FAM20A: variants seen among roughly 807,000 people sequenced by gnomAD.
FAM20A encodes the protein pseudokinase FAM20A.
A neutral mutation model predicts 52.0 loss-of-function variants in FAM20A; 42 were observed. The ratio of observed to expected loss-of-function variants is 0.81; its 90% CI spans 0.63 to 1.04. The LOEUF is 1.04. Among genes scored for constraint, FAM20A ranks in the 50% least tolerant of loss-of-function variants. The pLI, the probability that FAM20A is intolerant of heterozygous loss-of-function variation, is 0.00. For missense variants in FAM20A, 742 were observed against 712.7 expected (o/e 1.04, Z -0.47); for synonymous variants, 304 against 298.9 (o/e 1.02, Z -0.18).
At chr17:68,540,728 G>T (rs771665872) in intron 8 of FAM20A, 121 bp downstream of exon 8, 1 of 1,228,126 alleles carries the variant, frequency 8.1e-7, no homozygotes, top group Non-Finnish European at 1.2e-6. Context: ...CTGAGGCTGT[G>T]GGAGGTGCAG....
intron 4 of FAM20A, among the ~76,000 whole-genome samples, chr17:68,546,039 CAT>C (rs1193060935): frequency 6.6e-6 from 1 of 150,736 alleles, no homozygotes; most frequent in East Asian, 1.9e-4. Flanking sequence ...CATGGTGGCG[CAT>C]GCCTGTAGTC....
At chr17:68,539,702 G>T (rs2086205197) in intron 9 of FAM20A, among the ~76,000 whole-genome samples, 183 bp downstream of exon 9, 1 of 152,250 alleles carries the variant, frequency 6.6e-6, no homozygotes, top group Non-Finnish European at 1.5e-5. Flanking sequence ...GCTGGAGGAG[G>T]ATCAAGTGGT....
rs867655694 is a variant in FAM20A at position 68,551,903 on chromosome 17, T to C, written c.689A>G (p.Asp230Gly). Residue 230 changes from aspartate (D) to glycine (G), a missense_variant, in exon 4 of 11, where the codon GAT becomes GGT. Asp to Gly is a moderately conservative substitution (Grantham distance 94). Transcript: ENST00000592554. ...VHLKLVLRFS[D>G]FGKAMFKPMR... ...GGGTTTGAACATGGCCTTCCCGAAA[T>C]CCGAGAACCTCAGCACCAGCTTGAG... The C allele has an allele frequency of 6.3e-7, 1 of 1,589,526 alleles. No homozygotes were observed. Among genetic ancestry groups the C allele is most frequent in the Middle Eastern group, 1.7e-4 (1 of 6,030 alleles).
intron 1 of FAM20A, among the ~76,000 whole-genome samples, chr17:68,592,574 T>C (rs2088343161): frequency 6.6e-6 from 1 of 152,220 alleles, no homozygotes; most frequent in Non-Finnish European, 1.5e-5. Context: ...TGCGCTTCAC[T>C]TGCCAGGGCT....
chr17:68,542,607 G>C (rs1229759992), intron 6 of FAM20A, 87 bp downstream of exon 6: 2 of 980,520 alleles, frequency 2.0e-6, no homozygotes, highest in East Asian at 2.4e-5. Context: ...CTAGCAGCAG[G>C]GTGTCAGGCC....
At position 68,536,804 on chromosome 17, in the gene FAM20A, T is replaced by A; in HGVS notation, c.*673A>T. 4.4e-6 allele frequency: 2 copies of A among 454,134 alleles called. No individual in the cohort carries two copies. Among genetic ancestry groups the A allele is most frequent in the Non-Finnish European group, 8.8e-6 (2 of 226,800 alleles). 28.1% of individuals were successfully genotyped at this position (454,134 alleles called of 1,614,324 possible). A position where few individuals can be genotyped will look rare whatever the true frequency, so the allele number is the denominator to read the frequency against. On this transcript the variant is annotated 3_prime_UTR_variant, in exon 11 of 11. Coordinates refer to ENST00000592554, the MANE Select transcript of FAM20A (RefSeq NM_017565.4). ...TTAGTGTGACATATTTGATGTTATT[T>A]CAATTGTAATACTCTTCAAATTGGA...
At chr17:68,562,334 A>T (rs1325169062) in intron 1 of FAM20A, among the ~76,000 whole-genome samples, 1 of 152,230 alleles carries the variant, frequency 6.6e-6, no homozygotes, top group Non-Finnish European at 1.5e-5. Context: ...ACGTAGAAGG[A>T]TGTCTAATTT....
rs138703454 is a variant in FAM20A at position 68,584,310 on chromosome 17, C to T, written c.404+15953G>A. Among the ~76,000 whole-genome samples, 399 of 147,546 alleles carry T rather than the reference C, an allele frequency of 2.7e-3. 5 individuals are homozygous for T. The highest frequency in any genetic ancestry group is 9.9e-3 in the African/African-American group (385 of 38,906). On this transcript the variant is annotated intron_variant, in intron 1 of 10. Transcript: ENST00000592554. ...CCAGCCTGGGTGGCAGAGTGAGACTCCATCTCAAAAACAAAACAAAACAAA... is the reference window on the plus strand; with the variant it reads ...CCAGCCTGGGTGGCAGAGTGAGACTTCATCTCAAAAACAAAACAAAACAAA...
chr17:68,593,453 A>T (rs2088366532), intron 1 of FAM20A, among the ~76,000 whole-genome samples: 1 of 152,140 alleles, frequency 6.6e-6, no homozygotes, highest in Non-Finnish European at 1.5e-5. Flanking sequence ...TGCTTTCTCA[A>T]CTTTCCTTCA....
In FAM20A at chr17:68,600,604, G is replaced by T. The variant is rs2088595603; in HGVS notation, c.63C>A (p.Ala21=). The T allele has an allele frequency of 6.4e-7, 1 of 1,563,774 alleles. No individual in the cohort carries two copies. The highest frequency in any genetic ancestry group is 1.9e-5 in the Admixed American group (1 of 52,746). The change falls in exon 1 of 11, where the codon GCC becomes GCA. Residue 21 remains alanine, a synonymous_variant. Transcript: ENST00000592554. This position sits in a 1 kb window ranked among gnomAD's most constrained non-coding sequence, Gnocchi z 6.2. ...GGGGCCAGAGGTGGAAGTAGAGGTC[G>T]GCGGAGAGCAGCGCGCCCAGCAGCA... ...TLLLLGALLS[A]DLYFHLWPQV...
At chr17:68,540,556 C>T in intron 8 of FAM20A, 1 of 525,160 alleles carries the variant, frequency 1.9e-6, no homozygotes, top group Non-Finnish European at 3.7e-6. Context: ...CCTGGTTTCC[C>T]CTCACTTGGT....
chr17:68,571,294 C>A (rs2087528545), intron 1 of FAM20A, among the ~76,000 whole-genome samples: 1 of 152,200 alleles, frequency 6.6e-6, no homozygotes, highest in African/African-American at 2.4e-5. Flanking sequence ...TCTTTTGCAT[C>A]CTCCTCAGTA....
At chr17:68,552,452 G>A (rs918375555) in intron 3 of FAM20A, among the ~76,000 whole-genome samples, 4 of 151,938 alleles carry the variant, frequency 2.6e-5, no homozygotes, top group African/African-American at 7.3e-5. Flanking sequence ...TGTACACCTG[G>A]GCTGGGACCA....
Position 68,600,416 on chromosome 17 carries a change from C to T in FAM20A, c.251G>A (p.Ser84Asn). The change falls in exon 1 of 11, where the codon AGC (serine) becomes AAC (asparagine). Residue 84 changes from serine to asparagine, a missense_variant. Physicochemically the swap from Ser to Asn is conservative, Grantham distance 46. Coordinates refer to ENST00000592554, the MANE Select transcript of FAM20A (RefSeq NM_017565.4). This position sits in a 1 kb window ranked among gnomAD's most constrained non-coding sequence, Gnocchi z 6.2. ...CAACTTGGAGCTCGACCCGCTGTGG[C>T]TGCCGCCAGCCGGTTCAGTCCGGGG... ...TEPRTEPAGG[S>N]HSGSSSKLQA... The T allele has an allele frequency of 6.2e-7, 1 of 1,609,518 alleles. No homozygotes were observed. Among genetic ancestry groups the T allele is most frequent in the South Asian group, 1.1e-5 (1 of 90,490 alleles).
At chr17:68,548,320 G>A (rs929981891) in intron 4 of FAM20A, among the ~76,000 whole-genome samples, 6 of 151,386 alleles carry the variant, frequency 4.0e-5, no homozygotes, top group African/African-American at 1.5e-4. Flanking sequence ...ACCTGAGGTC[G>A]AGAGTTCGAG....
At chr17:68,588,992 T>C (rs936734127) in intron 1 of FAM20A, among the ~76,000 whole-genome samples, 2 of 152,242 alleles carry the variant, frequency 1.3e-5, no homozygotes, top group African/African-American at 4.8e-5. Context: ...CTAAGTTGTG[T>C]AGACCACTTT....
At chr17:68,594,337 T>C (rs1264360536) in intron 1 of FAM20A, among the ~76,000 whole-genome samples, 2 of 151,162 alleles carry the variant, frequency 1.3e-5, no homozygotes, top group Non-Finnish European at 2.9e-5. Context: ...AGGCGGAGCT[T>C]GCAGTGAGCC....
rs57442973 is a variant in FAM20A at position 68,571,987 on chromosome 17, C to CAT, written c.405-16246_405-16245dup. Among the ~76,000 whole-genome samples the CAT allele has an allele frequency of 9.2e-3, 403 of 43,588 alleles. 9 individuals carry two copies. The highest frequency in any genetic ancestry group is 0.015 in the Non-Finnish European group (274 of 18,426). 28.6% of individuals were successfully genotyped at this position (43,588 alleles called of 152,430 possible). A position where few individuals can be genotyped will look rare whatever the true frequency, so the allele number is the denominator to read the frequency against. On this transcript the variant is annotated intron_variant, in intron 1 of 10. Coordinates refer to ENST00000592554, the MANE Select transcript of FAM20A (RefSeq NM_017565.4). ...ATATATATGTGTGTGTATATACATA[C>CAT]ATATATATATATATATATATATATA...
At chr17:68,572,617 T>G (rs2087597006) in intron 1 of FAM20A, among the ~76,000 whole-genome samples, 1 of 152,150 alleles carries the variant, frequency 6.6e-6, no homozygotes, top group Admixed American at 6.5e-5. Context: ...ATGATAGAAT[T>G]ATGCAGAACG....
Sources: gnomAD v4.1 joint callset for allele counts (sites outside exome capture counted in the v4.1 genomes callset) on GRCh38, gnomAD v4.1.1 for gene constraint, Gnocchi (gnomAD v3.1) non-coding constraint, MANE v1.5 for transcripts, NCBI Gene and HGNC (gene_info 2026-07-23, HGNC 2026-07-21) for gene names.